The following NDUFAF6 variants were observed in gnomAD, a reference collection of about 807,000 sequenced individuals.
The protein encoded by NDUFAF6 is NADH dehydrogenase (ubiquinone) complex I, assembly factor 6.
A neutral mutation model predicts 40.8 loss-of-function variants in NDUFAF6; 45 were observed. The observed-to-expected ratio is 1.10, with a 90% CI of 0.87 to 1.42. NDUFAF6 has a LOEUF of 1.42. NDUFAF6 is among the 40% of genes most tolerant of loss of function. The probability of loss-of-function intolerance (pLI) is 0.00; values close to 1 mark genes in which losing one functional copy is unlikely to be tolerated. For synonymous variants in NDUFAF6, 185 were observed against 155.9 expected (o/e 1.19, Z -1.39); for missense variants, 435 against 418.5 (o/e 1.04, Z -0.34).
chr8:94,909,348 C>CA (rs556065794), intron 1 of NDUFAF6, among the ~76,000 whole-genome samples: 1,289 of 91,796 alleles, frequency 0.014, 98 homozygotes, highest in Non-Finnish European at 0.018. Flanking sequence ...GACTCCGTCT[C>CA]AAAAAAAAAA....
chr8:95,050,797 T>TTA (rs1051423640), intron 7 of NDUFAF6, among the ~76,000 whole-genome samples: 7 of 151,804 alleles, frequency 4.6e-5, no homozygotes, highest in African/African-American at 1.5e-4. Flanking sequence ...GTATATACAT[T>TTA]TATATATATA....
chr8:94,998,478 G>C (rs930013638), intron 2 of NDUFAF6, among the ~76,000 whole-genome samples: 1 of 151,938 alleles, frequency 6.6e-6, no homozygotes, highest in Non-Finnish European at 1.5e-5. Context: ...ACTACTGAAA[G>C]TTGGGTGCCA....
chr8:94,907,643 A>G (rs978567944), intron 1 of NDUFAF6, among the ~76,000 whole-genome samples: 1 of 152,224 alleles, frequency 6.6e-6, no homozygotes, highest in Admixed American at 6.5e-5. Flanking sequence ...TGAGCAAGTC[A>G]GAGTTCATCA....
At chr8:94,943,881 G>T (rs1279785799) in intron 1 of NDUFAF6, among the ~76,000 whole-genome samples, 2 of 152,184 alleles carry the variant, frequency 1.3e-5, no homozygotes, top group African/African-American at 4.8e-5. Context: ...AATCATGAAG[G>T]CTGGAGCTGT....
intron 1 of NDUFAF6, among the ~76,000 whole-genome samples, chr8:95,027,583 A>T (rs1299606766): frequency 1.3e-5 from 2 of 151,202 alleles, no homozygotes; most frequent in African/African-American, 2.4e-5. Flanking sequence ...CTGTCTCAAA[A>T]AAAAAAAAAA....
chr8:94,998,379 TAC>T (rs200968954), intron 2 of NDUFAF6, among the ~76,000 whole-genome samples: 13,657 of 137,704 alleles, frequency 0.099, 789 homozygotes, highest in African/African-American at 0.18. Context: ...TGCAATCAAA[TAC>T]ACACACACAC....
chr8:95,058,560 G>A lies in NDUFAF6; in HGVS notation c.*623G>A, dbSNP rs1832462349. ...CTTAATTTGACTTTAGCTCTGGCTG[G>A]TCTGGAAGCTTTTACTTTTTTGTTA... On this transcript the variant is annotated 3_prime_UTR_variant, in exon 9 of 9. Coordinates refer to ENST00000396124, the MANE Select transcript of NDUFAF6 (RefSeq NM_152416.4). 1 of 1,214,598 alleles carries A rather than the reference G, an allele frequency of 8.2e-7. No homozygotes were observed. The highest frequency in any genetic ancestry group is 1.6e-5 in the African/African-American group (1 of 64,056). 75.2% of individuals were successfully genotyped at this position (1,214,598 alleles called of 1,614,324 possible).
At chr8:95,099,999 G>A (rs1488610126), upstream of NDUFAF6, among the ~76,000 whole-genome samples, 2 of 152,306 alleles carry the variant, frequency 1.3e-5, no homozygotes. Flanking sequence ...GCTGGTCTGG[G>A]CTACAGATAA....
intron 1 of NDUFAF6, among the ~76,000 whole-genome samples, chr8:95,026,836 C>T (rs1828205460): frequency 6.6e-6 from 1 of 152,142 alleles, no homozygotes; most frequent in African/African-American, 2.4e-5. Flanking sequence ...TTGCTTGATG[C>T]CAGGAGTTTG....
chr8:94,997,323 C>G (rs1826480735), intron 2 of NDUFAF6, among the ~76,000 whole-genome samples: 1 of 137,752 alleles, frequency 7.3e-6, no homozygotes, highest in African/African-American at 2.7e-5. Context: ...CACACACACA[C>G]ACACACACAC....
At chr8:94,909,348 C>CAAAAAAAAAAAA (rs556065794) in intron 1 of NDUFAF6, among the ~76,000 whole-genome samples, 20 of 91,914 alleles carry the variant, frequency 2.2e-4, no homozygotes, top group African/African-American at 3.1e-4. Flanking sequence ...GACTCCGTCT[C>CAAAAAAAAAAAA]AAAAAAAAAA....
downstream of NDUFAF6, among the ~76,000 whole-genome samples, chr8:95,107,493 A>G (rs982176594): frequency 3.3e-5 from 5 of 152,154 alleles, no homozygotes; most frequent in African/African-American, 1.2e-4. Flanking sequence ...GTAGGAGGAC[A>G]GGGAAGGGAT....
chr8:94,930,092 A>G (rs1346846735), intron 1 of NDUFAF6: 1 of 189,450 alleles, frequency 5.3e-6, no homozygotes, highest in Non-Finnish European at 1.1e-5. Context: ...CTGAGAATAA[A>G]TTTTTGCTTG....
chr8:94,960,995 A>G (rs554804736), intron 1 of NDUFAF6, among the ~76,000 whole-genome samples: 16 of 152,356 alleles, frequency 1.1e-4, no homozygotes, highest in African/African-American at 3.8e-4. Flanking sequence ...CCAAAACTCT[A>G]AAAGGCCAGC....
chr8:94,991,224 A>T (rs1826176618), intron 2 of NDUFAF6, among the ~76,000 whole-genome samples: 1 of 152,236 alleles, frequency 6.6e-6, no homozygotes, highest in African/African-American at 2.4e-5. Flanking sequence ...CTCCCTTAAT[A>T]AAAAATATCT....
chr8:94,955,219 A>G (rs1464607802), upstream of NDUFAF6, among the ~76,000 whole-genome samples: 2 of 152,242 alleles, frequency 1.3e-5, no homozygotes, highest in Non-Finnish European at 2.9e-5. Flanking sequence ...TTGTGTTGCT[A>G]TAACAGAATA....
chr8:95,039,929 A>C (rs567045566), intron 3 of NDUFAF6, among the ~76,000 whole-genome samples: 44 of 152,334 alleles, frequency 2.9e-4, no homozygotes, highest in African/African-American at 5.3e-4. Flanking sequence ...GTGCCCGGCC[A>C]GAACAGTTAC....
downstream of NDUFAF6, among the ~76,000 whole-genome samples, chr8:95,061,645 A>C (rs1563847369): frequency 6.6e-6 from 1 of 152,244 alleles, no homozygotes; most frequent in Non-Finnish European, 1.5e-5. Context: ...AGATGCTTGT[A>C]GAATGCGAAG....
downstream of NDUFAF6, among the ~76,000 whole-genome samples, chr8:95,061,910 C>G (rs1305776443): frequency 1.3e-5 from 2 of 152,082 alleles, no homozygotes; most frequent in African/African-American, 4.8e-5. Context: ...GTAATCCTAG[C>G]ACTTTAGGAG....
Sources: allele counts gnomAD v4.1 joint callset (sites outside exome capture counted in the v4.1 genomes callset), GRCh38; gene constraint gnomAD v4.1.1; transcripts MANE v1.5; gene names NCBI Gene and HGNC (gene_info 2026-07-23, HGNC 2026-07-21).